The following SPAG17 variants were observed in gnomAD, a reference collection of about 807,000 sequenced individuals.
SPAG17 encodes the protein sperm associated antigen 17, also known as sperm-associated antigen 17.
A neutral mutation model predicts 273.6 loss-of-function variants in SPAG17; 169 were observed. The ratio of observed to expected loss-of-function variants is 0.62; its 90% confidence interval spans 0.55 to 0.70. SPAG17 has a LOEUF of 0.70. Ranked by LOEUF, SPAG17 falls within the 30% of genes least tolerant of loss-of-function variation. The pLI, the probability that SPAG17 is intolerant of heterozygous loss-of-function variation, is 0.00. For missense variants in SPAG17, 2,557 were observed against 2,627.8 expected, an observed-to-expected ratio of 0.97 and a Z score of 0.59; for synonymous variants, 825 against 873.2, an observed-to-expected ratio of 0.94 and a Z score of 0.97.
intron 39 of SPAG17, 47 bp downstream of exon 39, chr1:117,988,058 C>G: frequency 6.6e-7 from 1 of 1,511,192 alleles, no homozygotes; most frequent in Non-Finnish European, 8.9e-7. Flanking sequence ...TTTCCTCAAT[C>G]ACTGCATACC....
chr1:118,097,948 G>A (rs1470436130), intron 6 of SPAG17, 97 bp from the exon 7 acceptor site: 1 of 660,120 alleles, frequency 1.5e-6, no homozygotes, highest in African/African-American at 1.9e-5. Context: ...CAAGATATCT[G>A]TACAGTACCA....
At chr1:118,088,729 AAACTTCAATAGC>A (rs2102178251) in intron 10 of SPAG17, among the ~76,000 whole-genome samples, 1 of 152,342 alleles carries the variant, frequency 6.6e-6, no homozygotes, top group South Asian at 2.1e-4. Flanking sequence ...TGCCAAAACA[AAACTTCAATAGC>A]AGACTGGACT....
intron 48 of SPAG17, chr1:117,956,935 A>G: frequency 1.5e-6 from 1 of 675,446 alleles, no homozygotes; most frequent in South Asian, 3.1e-5. Context: ...TTACAGATGA[A>G]TATTTAACTC....
intron 24 of SPAG17, among the ~76,000 whole-genome samples, chr1:118,032,420 C>CA (rs1648579237): frequency 6.6e-6 from 1 of 151,928 alleles, no homozygotes; most frequent in African/African-American, 2.4e-5. Flanking sequence ...AAGGAGAGCT[C>CA]ATGCTAGGAG....
intron 25 of SPAG17, among the ~76,000 whole-genome samples, chr1:118,029,866 G>C (rs1054125242): frequency 6.6e-6 from 1 of 151,766 alleles, no homozygotes; most frequent in African/African-American, 2.4e-5. Flanking sequence ...CACTAACAGA[G>C]GAAAAATACA....
At chr1:118,084,589 A>G (rs890953838) in intron 13 of SPAG17, among the ~76,000 whole-genome samples, 5 of 152,176 alleles carry the variant, frequency 3.3e-5, no homozygotes, top group Non-Finnish European at 7.3e-5. Flanking sequence ...AGAGCATAAA[A>G]TGGCTCTTCC....
intron 44 of SPAG17, 123 bp downstream of exon 44, chr1:117,973,302 T>C: frequency 1.5e-6 from 2 of 1,302,860 alleles, no homozygotes; most frequent in Non-Finnish European, 2.1e-6. Flanking sequence ...CGGAAACTAA[T>C]AACTTCAATG....
intron 19 of SPAG17, among the ~76,000 whole-genome samples, chr1:118,055,307 CT>C (rs201537817): frequency 0.01 from 1,568 of 152,214 alleles, 13 homozygotes; most frequent in Non-Finnish European, 0.014. Flanking sequence ...CTTCTGTTTG[CT>C]GTTCTAAGAA....
intron 42 of SPAG17, among the ~76,000 whole-genome samples, chr1:117,983,252 C>A (rs537379679): frequency 7.9e-5 from 12 of 152,166 alleles, no homozygotes; most frequent in Admixed American, 7.9e-4. Context: ...GAGAACAGCA[C>A]GGGAAAGACC....
chr1:118,093,151 C>A lies in SPAG17; in HGVS notation c.1173+5G>T. On this transcript the variant is annotated splice_donor_5th_base_variant and intron_variant, in intron 8 of 48. Transcript: ENST00000336338. ...TCCCACTAAAGACATTGAGCCCATGCCTACCTCTGAAGTTGGCATGGCTTC... is the reference window on the plus strand; with the variant it reads ...TCCCACTAAAGACATTGAGCCCATGACTACCTCTGAAGTTGGCATGGCTTC... 1 of 1,611,234 alleles carries A rather than the reference C, an allele frequency of 6.2e-7. No homozygotes were observed. The highest frequency in any genetic ancestry group is 8.5e-7 in the Non-Finnish European group (1 of 1,178,716).
intron 29 of SPAG17, among the ~76,000 whole-genome samples, chr1:118,015,271 CAAAA>C (rs757554740): frequency 5.0e-5 from 4 of 80,154 alleles, no homozygotes; most frequent in African/African-American, 4.5e-5. Flanking sequence ...ACCTCTGTGT[CAAAA>C]AAAAAAAAAA....
chr1:117,966,741 T>A lies in SPAG17; in HGVS notation c.6400A>T (p.Met2134Leu), dbSNP rs2101451929. Residue 2134 changes from methionine (M) to leucine (L), a missense_variant, in exon 47 of 49, where the codon ATG (methionine) becomes TTG (leucine). Physicochemically the swap from Met to Leu is conservative, Grantham distance 15. Coordinates refer to ENST00000336338, the MANE Select transcript of SPAG17 (RefSeq NM_206996.4). ...TYKPGPVAAG[M>L]QTELNIELFA... is the part of the protein sequence containing the mutation. ...AACTCTATATTCAGTTCTGTCTGCA[T>A]ACCAGCTGCCACCTATAAGACACAA... 6.2e-7 allele frequency: 1 copy of A among 1,611,042 alleles called. No individual in the cohort carries two copies. Among genetic ancestry groups the A allele is most frequent in the Non-Finnish European group, 8.5e-7 (1 of 1,179,062 alleles).
At chr1:118,162,349 C>T (rs191781580) in intron 1 of SPAG17, among the ~76,000 whole-genome samples, 7 of 152,252 alleles carry the variant, frequency 4.6e-5, no homozygotes, top group Admixed American at 4.6e-4. Flanking sequence ...CTTGGAAAAA[C>T]ATTTAAGTAC....
chr1:117,953,695 C>T lies in SPAG17; in HGVS notation c.*355G>A, dbSNP rs1651759627. 1.3e-5 allele frequency among the ~76,000 whole-genome samples: 2 copies of T among 152,038 alleles called. No individual in the cohort carries two copies. Among genetic ancestry groups the T allele is most frequent in the Non-Finnish European group, 2.9e-5 (2 of 67,958 alleles). ...TATAACCTGTTTCCTTCTCTTGTAA[C>T]CAAAGATGGGAGTAGTCCTGAATCT... On this transcript the variant is annotated 3_prime_UTR_variant, in exon 49 of 49. Coordinates refer to ENST00000336338, the MANE Select transcript of SPAG17 (RefSeq NM_206996.4).
At chr1:118,184,378 A>C (rs1371648692) in intron 1 of SPAG17, among the ~76,000 whole-genome samples, 1 of 152,102 alleles carries the variant, frequency 6.6e-6, no homozygotes, top group Non-Finnish European at 1.5e-5. Context: ...TCATTTACTG[A>C]AGCTGGGTGG....
intron 28 of SPAG17, among the ~76,000 whole-genome samples, chr1:118,022,205 TACTTA>T (rs1369333687): frequency 6.6e-6 from 1 of 152,132 alleles, no homozygotes; most frequent in Non-Finnish European, 1.5e-5. Context: ...TCAAGGAAAT[TACTTA>T]ACTTCTCTCC....
intron 12 of SPAG17, among the ~76,000 whole-genome samples, chr1:118,086,457 A>G (rs1254076704): frequency 6.6e-6 from 1 of 152,228 alleles, no homozygotes; most frequent in African/African-American, 2.4e-5. Flanking sequence ...ATTGTTAATT[A>G]GACCTCAATA....
intron 48 of SPAG17, among the ~76,000 whole-genome samples, chr1:117,957,918 T>C (rs1168385556): frequency 3.3e-5 from 5 of 152,226 alleles, no homozygotes; most frequent in African/African-American, 1.2e-4. Flanking sequence ...GGGGCATATA[T>C]AGAGGTAAAC....
At chr1:117,956,955 T>C in intron 48 of SPAG17, 1 of 890,894 alleles carries the variant, frequency 1.1e-6, no homozygotes, top group Non-Finnish European at 1.6e-6. Context: ...CTAGGCAAGA[T>C]GTATCCAAGT....
Sources: allele counts gnomAD v4.1 joint callset (sites outside exome capture counted in the v4.1 genomes callset), GRCh38; gene constraint gnomAD v4.1.1; transcripts MANE v1.5; gene names NCBI Gene and HGNC (gene_info 2026-07-23, HGNC 2026-07-21).